Variants in PRDM5 observed in about 807,000 individuals in gnomAD.
The protein encoded by PRDM5 is PR domain zinc finger protein 5.
In PRDM5, 56 loss-of-function variants were observed where a neutral mutation model predicts 81.2. The ratio of observed to expected loss-of-function variants is 0.69; its 90% CI spans 0.56 to 0.86. The LOEUF is 0.86. Among genes scored for constraint, PRDM5 ranks in the 40% least tolerant of loss-of-function variants. The probability of loss-of-function intolerance (pLI) is 0.00; values close to 1 mark genes in which losing one functional copy is unlikely to be tolerated. For synonymous variants in PRDM5, 267 were observed against 256.4 expected (o/e 1.04, Z -0.39); for missense variants, 697 against 770.1 (o/e 0.91, Z 1.12).
At chr4:120,738,981 G>C (rs938180222) in intron 14 of PRDM5, among the ~76,000 whole-genome samples, 3 of 152,110 alleles carry the variant, frequency 2.0e-5, no homozygotes, top group Non-Finnish European at 4.4e-5. Flanking sequence ...GTTTTCACTT[G>C]GAGTCTTTCT....
chr4:120,745,301 T>G (rs1475345694), intron 14 of PRDM5, among the ~76,000 whole-genome samples: 2 of 123,412 alleles, frequency 1.6e-5, no homozygotes, highest in African/African-American at 6.6e-5. Flanking sequence ...AAGAGCTATC[T>G]ATGACAAACC....
intron 14 of PRDM5, among the ~76,000 whole-genome samples, chr4:120,716,985 A>C (rs967470386): frequency 6.6e-6 from 1 of 152,052 alleles, no homozygotes; most frequent in Admixed American, 6.5e-5. Flanking sequence ...CACAGTTAGA[A>C]GAACAGGCTG....
intron 10 of PRDM5, among the ~76,000 whole-genome samples, chr4:120,795,105 C>A (rs1338801504): frequency 6.6e-6 from 1 of 152,120 alleles, no homozygotes; most frequent in Non-Finnish European, 1.5e-5. Context: ...CCCTGGAAGG[C>A]TAAGTAAAGG....
chr4:120,817,459 T>G (rs930368937), intron 5 of PRDM5, among the ~76,000 whole-genome samples: 1 of 152,104 alleles, frequency 6.6e-6, no homozygotes, highest in Non-Finnish European at 1.5e-5. Flanking sequence ...TAACATTCTG[T>G]TAAAATGAGA....
chr4:120,812,085 A>G (rs1467883153), intron 7 of PRDM5, among the ~76,000 whole-genome samples: 1 of 152,082 alleles, frequency 6.6e-6, no homozygotes, highest in Non-Finnish European at 1.5e-5. Context: ...TGAGTTTAAT[A>G]GTTTTAATTT....
chr4:120,753,443 T>A (rs1447744178), intron 14 of PRDM5, among the ~76,000 whole-genome samples: 3 of 152,170 alleles, frequency 2.0e-5, no homozygotes, highest in Non-Finnish European at 4.4e-5. Context: ...AAACCTGCTA[T>A]AGATTTGCTT....
At chr4:120,773,522 C>T (rs566405003) in intron 13 of PRDM5, among the ~76,000 whole-genome samples, 1 of 152,268 alleles carries the variant, frequency 6.6e-6, no homozygotes, top group South Asian at 2.1e-4. Flanking sequence ...TTACCTGTAA[C>T]ATGATGATGT....
At chr4:120,814,394 T>C (rs1404669692) in intron 7 of PRDM5, among the ~76,000 whole-genome samples, 1 of 152,232 alleles carries the variant, frequency 6.6e-6, no homozygotes, top group Admixed American at 6.5e-5. Flanking sequence ...ACATTACTTA[T>C]ACCAGTAGGC....
intron 14 of PRDM5, among the ~76,000 whole-genome samples, chr4:120,750,138 T>A (rs1044663697): frequency 2.0e-5 from 3 of 152,218 alleles, no homozygotes; most frequent in Non-Finnish European, 4.4e-5. Context: ...AATTAAAATT[T>A]AAATTTTGAT....
rs1205690516 is a variant in PRDM5, at chr4:120,816,294, G to A, written c.865+159C>T. 4.6e-6 allele frequency: 5 copies of A among 1,080,690 alleles called. No homozygotes were observed. In the African/African-American group the frequency reaches 7.9e-5, roughly 17 times the overall value. 66.9% of individuals were successfully genotyped at this position (1,080,690 alleles called of 1,614,324 possible). A position where few individuals can be genotyped will look rare whatever the true frequency, so the allele number is the denominator to read the frequency against. On this transcript the variant is annotated intron_variant, in intron 7 of 15. Transcript: ENST00000264808. ...CTAAATTCAACCTGAGAAAGAAATA[G>A]TGTTCAGTGAAAGAAAAAAATCCAC...
At chr4:120,852,193 A>G (rs1479914750) in intron 3 of PRDM5, among the ~76,000 whole-genome samples, 1 of 152,184 alleles carries the variant, frequency 6.6e-6, no homozygotes, top group Non-Finnish European at 1.5e-5. Context: ...TGTTTTGTCC[A>G]GCAGTATGCT....
chr4:120,882,650 T>C (rs557348337), intron 2 of PRDM5, among the ~76,000 whole-genome samples: 102 of 152,330 alleles, frequency 6.7e-4, no homozygotes, highest in Middle Eastern at 3.4e-3. Flanking sequence ...GTATAACAAA[T>C]CTCTATATTA....
rs561055934 is a variant in PRDM5, at chr4:120,812,075, T to A, written c.866-626A>T. ...ACCATCATTCTATTCTCTATCTTCA[T>A]GAGTTTAATAGTTTTAATTTTAGCT... On this transcript the variant is annotated intron_variant, in intron 7 of 15. Transcript: ENST00000264808. Among the ~76,000 whole-genome samples the A allele has an allele frequency of 1.2e-4, 19 of 152,246 alleles. No homozygotes were observed. The East Asian group carries it at 3.7e-3, about 29-fold the overall frequency.
chr4:120,884,925 T>C (rs1579109795), intron 2 of PRDM5, among the ~76,000 whole-genome samples: 1 of 150,642 alleles, frequency 6.6e-6, no homozygotes, highest in Admixed American at 6.6e-5. Flanking sequence ...GCGAGTCGGG[T>C]GGATCACGAG....
At chr4:120,704,797 C>G (rs4833669) in intron 15 of PRDM5, among the ~76,000 whole-genome samples, 49,144 of 151,796 alleles carry the variant, frequency 0.32, 8,188 homozygotes, top group Non-Finnish European at 0.36. Flanking sequence ...AAGGATGCAT[C>G]GCGGTTTATC....
chr4:120,816,669 A>T lies in PRDM5; in HGVS notation c.744-95T>A, dbSNP rs1231108919. 10 of 1,579,944 alleles carry T rather than the reference A, an allele frequency of 6.3e-6. No individual in the cohort carries two copies. The African/African-American group carries it at 1.3e-4, about 21-fold the overall frequency. ...CAAGATTTTGTAATACATGCTCCCTAGTAGAGTTTCGGGGTCATTCCATGC... is the reference window on the plus strand; with the variant it reads ...CAAGATTTTGTAATACATGCTCCCTTGTAGAGTTTCGGGGTCATTCCATGC... On this transcript the variant is annotated intron_variant, in intron 6 of 15. Transcript: ENST00000264808.
intron 14 of PRDM5, among the ~76,000 whole-genome samples, chr4:120,747,794 G>A (rs1265123551): frequency 6.6e-6 from 1 of 152,208 alleles, no homozygotes; most frequent in Non-Finnish European, 1.5e-5. Flanking sequence ...TAATTTGGCT[G>A]TTTCTGCAAA....
intron 1 of PRDM5, among the ~76,000 whole-genome samples, chr4:120,916,716 C>T (rs1412850887): frequency 6.6e-6 from 1 of 152,128 alleles, no homozygotes; most frequent in Non-Finnish European, 1.5e-5. Flanking sequence ...CCTCCTCCAC[C>T]CACAACCTTC....
chr4:120,823,263 CTT>C (rs1755527354), intron 3 of PRDM5, among the ~76,000 whole-genome samples: 1 of 152,136 alleles, frequency 6.6e-6, no homozygotes, highest in African/African-American at 2.4e-5. Flanking sequence ...ATACCATTAA[CTT>C]AAACTGTAAT....
Sources: gnomAD v4.1 joint callset for allele counts (sites outside exome capture counted in the v4.1 genomes callset) on GRCh38, gnomAD v4.1.1 for gene constraint, MANE v1.5 for transcripts, NCBI Gene and HGNC (gene_info 2026-07-23, HGNC 2026-07-21) for gene names.